Variants in LACRT observed in about 807,000 individuals in gnomAD.
The protein encoded by LACRT is lacritin.
A neutral mutation model predicts 14.5 loss-of-function variants in LACRT; 14 were observed. The ratio of observed to expected loss-of-function variants is 0.96; its 90% CI spans 0.64 to 1.51. LACRT has a LOEUF of 1.51. Ranked by LOEUF, LACRT falls within the 40% of genes most tolerant of loss-of-function variation. The pLI is 0.00. For synonymous variants in LACRT, 70 were observed against 63.5 expected, an observed-to-expected ratio of 1.10 and a Z score of -0.48; for missense variants, 156 against 161.8, an observed-to-expected ratio of 0.96 and a Z score of 0.19.
chr12:54,634,265 T>A (rs1464289661), intron 1 of LACRT, among the ~76,000 whole-genome samples: 1 of 148,382 alleles, frequency 6.7e-6, no homozygotes, highest in Non-Finnish European at 1.5e-5. Flanking sequence ...GGCAAGATAA[T>A]CGCTGGAACC....
At chr12:54,632,761 G>A (rs1440596820) in intron 2 of LACRT, among the ~76,000 whole-genome samples, 1 of 152,084 alleles carries the variant, frequency 6.6e-6, no homozygotes, top group African/African-American at 2.4e-5. Flanking sequence ...AGCTGATGTG[G>A]GTGCGACATA....
Position 54,634,843 on chromosome 12 carries a change from C to A in LACRT, c.-2G>T, listed in dbSNP as rs370112799. On this transcript the variant is annotated 5_prime_UTR_variant, in exon 1 of 5. Transcript: ENST00000257867. Reference sequence around the variant, plus strand: ...GAAGAGGAGAGTGGTAAATTTCATTCTTTGGGATGAGGAGTGAGTATAACC... The same window carrying A: ...GAAGAGGAGAGTGGTAAATTTCATTATTTGGGATGAGGAGTGAGTATAACC... The A allele has an allele frequency of 2.4e-5, 39 of 1,612,682 alleles. No individual in the cohort carries two copies. The highest frequency in any genetic ancestry group is 3.3e-5 in the Non-Finnish European group (39 of 1,178,866).
chr12:54,633,277 G>C, intron 1 of LACRT, 44 bp from the exon 2 acceptor site: 1 of 1,569,866 alleles, frequency 6.4e-7, no homozygotes. Flanking sequence ...GGACCGAACC[G>C]GACCTACTCG....
intron 4 of LACRT, 67 bp from the exon 5 acceptor site, chr12:54,631,020 C>T: frequency 2.1e-6 from 2 of 950,536 alleles, no homozygotes; most frequent in Non-Finnish European, 3.4e-6. Context: ...CCTTCCATTT[C>T]TCCTCAATTC....
At position 54,632,432 on chromosome 12, in the gene LACRT, T is replaced by C. The variant is rs909685986; in HGVS notation, c.113-51A>G. 7 of 1,605,448 alleles carry C rather than the reference T, an allele frequency of 4.4e-6. No individual in the cohort carries two copies. In the African/African-American group the frequency reaches 6.7e-5, roughly 15 times the overall value. Reference sequence around the variant, plus strand: ...TTAGCAAAGTGAAAGTGTTTGTTTCTTTTGGAATGGGTTGCAGGGCCCCAG... The same window carrying C: ...TTAGCAAAGTGAAAGTGTTTGTTTCCTTTGGAATGGGTTGCAGGGCCCCAG... On this transcript the variant is annotated intron_variant, in intron 2 of 4. Coordinates refer to ENST00000257867, the MANE Select transcript of LACRT (RefSeq NM_033277.2).
chr12:54,632,148 C>T, intron 3 of LACRT, 93 bp downstream of exon 3: 1 of 1,456,326 alleles, frequency 6.9e-7, no homozygotes, highest in Non-Finnish European at 9.5e-7. Context: ...ACCTGCTTCT[C>T]ACCAGGCTTA....
In LACRT at chr12:54,633,201, G is replaced by T; in HGVS notation, c.91C>A (p.Pro31Thr). ...DASSDSTGADPAQEAGTSKPN... is the reference protein window; with the variant it reads ...DASSDSTGADTAQEAGTSKPN... ...TCACAGGTCCCAGCTTCCTGGGCAG[G>T]ATCAGCACCCGTCGAGTCAGAGGAG... Residue 31 changes from proline (P) to threonine (T), a missense_variant, in exon 2 of 5, where the codon CCT (proline) becomes ACT (threonine). By Grantham distance (38) the Pro-to-Thr change is conservative. Coordinates refer to ENST00000257867, the MANE Select transcript of LACRT (RefSeq NM_033277.2). 1 of 1,613,948 alleles carries T rather than the reference G, an allele frequency of 6.2e-7. No individual in the cohort carries two copies. Among genetic ancestry groups the T allele is most frequent in the South Asian group, 1.1e-5 (1 of 91,072 alleles).
At chr12:54,631,667 A>G (rs1592196195) in intron 4 of LACRT, 71 bp downstream of exon 4, 1 of 1,176,554 alleles carries the variant, frequency 8.5e-7, no homozygotes, top group Non-Finnish European at 1.3e-6. Context: ...GTTCTGTCCC[A>G]TATCCCACCC....
intron 1 of LACRT, among the ~76,000 whole-genome samples, chr12:54,633,807 G>C (rs79518783): frequency 0.01 from 1,523 of 152,262 alleles, 22 homozygotes; most frequent in African/African-American, 0.036. Flanking sequence ...GGAAGGGAAC[G>C]TGCAGCCTGG....
intron 2 of LACRT, 129 bp from the exon 3 acceptor site, chr12:54,632,510 C>T (rs1312020125): frequency 9.3e-7 from 1 of 1,079,570 alleles, no homozygotes; most frequent in Non-Finnish European, 1.4e-6. Context: ...GGCTTAAACG[C>T]TGCCCCCTTA....
At chr12:54,631,965 C>T in intron 3 of LACRT, 126 bp from the exon 4 acceptor site, 1 of 557,864 alleles carries the variant, frequency 1.8e-6, no homozygotes, top group South Asian at 1.9e-5. Flanking sequence ...TACAGAAAGT[C>T]CTAAAGTGCA....
intron 2 of LACRT, among the ~76,000 whole-genome samples, chr12:54,632,944 C>A (rs1312795453): frequency 3.3e-5 from 5 of 152,088 alleles, no homozygotes; most frequent in Non-Finnish European, 5.9e-5. Flanking sequence ...TTCACAATAA[C>A]CTTTTCCCCA....
At chr12:54,631,711 C>T (rs771967287) in intron 4 of LACRT, 27 bp downstream of exon 4, 5 of 1,553,922 alleles carry the variant, frequency 3.2e-6, no homozygotes, top group Non-Finnish European at 4.4e-6. Flanking sequence ...CTCATTCCCA[C>T]AAAGCCTTGC....
Position 54,630,841 on chromosome 12 carries a change from T to C in LACRT, c.*51A>G. 1.5e-6 allele frequency: 2 copies of C among 1,351,684 alleles called. No individual in the cohort carries two copies. Among genetic ancestry groups the C allele is most frequent in the Non-Finnish European group, 2.1e-6 (2 of 941,396 alleles). The allele number at this position is 1,351,684 out of a possible 1,614,324, so 83.7% of individuals were successfully genotyped here. ...TGCTTTCGTTTTAATAGCTCTGGGC[T>C]ACAAGGGTATTTAAGGCTTTAAGTC... On this transcript the variant is annotated 3_prime_UTR_variant, in exon 5 of 5. Transcript: ENST00000257867.
rs147161560 is a variant in LACRT, at chr12:54,632,509, G to A, written c.113-128C>T. 164 of 1,079,448 alleles carry A rather than the reference G, an allele frequency of 1.5e-4. No individual in the cohort carries two copies. The African/African-American group carries it at 2.3e-3, about 15-fold the overall frequency. The allele number at this position is 1,079,448 out of a possible 1,614,324, so 66.9% of individuals were successfully genotyped here. ...GATACAGAAGTGATATGGCTTAAAC[G>A]CTGCCCCCTTAAGGGAGATAGCATT... On this transcript the variant is annotated intron_variant, in intron 2 of 4. Coordinates refer to ENST00000257867, the MANE Select transcript of LACRT (RefSeq NM_033277.2).
At chr12:54,633,756 G>A (rs1464831377) in intron 1 of LACRT, among the ~76,000 whole-genome samples, 2 of 152,192 alleles carry the variant, frequency 1.3e-5, no homozygotes, top group African/African-American at 4.8e-5. Context: ...GCTTACATCT[G>A]TCCTTTTACG....
chr12:54,633,846 T>C lies in LACRT; in HGVS notation c.59-613A>G, dbSNP rs1380400529. ...GAGAAGGGCACATGGATCTGATTTG[T>C]TCCGCATGTGCATGGAAGGCCTTTT... is the stretch of plus-strand genomic sequence containing the variant. On this transcript the variant is annotated intron_variant, in intron 1 of 4. Transcript: ENST00000257867. Among the ~76,000 whole-genome samples, 5 of 152,168 alleles carry C rather than the reference T, an allele frequency of 3.3e-5. No homozygotes were observed. The East Asian group carries it at 9.6e-4, about 29-fold the overall frequency.
intron 1 of LACRT, among the ~76,000 whole-genome samples, chr12:54,634,081 G>A (rs115440164): frequency 3.6e-4 from 55 of 152,254 alleles, no homozygotes; most frequent in African/African-American, 1.2e-3. Flanking sequence ...AGCAGGGCAC[G>A]GTGGCTCACG....
At chr12:54,631,242 T>A (rs1313964517) in intron 4 of LACRT, among the ~76,000 whole-genome samples, 1 of 152,118 alleles carries the variant, frequency 6.6e-6, no homozygotes, top group Admixed American at 6.5e-5. Flanking sequence ...GCACATTGAA[T>A]CTGTTCTTTT....
Sources: gnomAD v4.1 joint callset for allele counts (sites outside exome capture counted in the v4.1 genomes callset) on GRCh38, gnomAD v4.1.1 for gene constraint, MANE v1.5 for transcripts, NCBI Gene and HGNC (gene_info 2026-07-23, HGNC 2026-07-21) for gene names.